CDH18: variants seen among roughly 807,000 people sequenced by gnomAD.
The protein encoded by CDH18 is cadherin-18.
Under a neutral mutation model 67.9 loss-of-function variants are expected in CDH18, and 31 were observed. The ratio of observed to expected loss-of-function variants is 0.46; its 90% CI spans 0.34 to 0.62. The LOEUF (loss-of-function observed/expected upper bound fraction) is 0.62. CDH18 is among the 20% of genes least tolerant of loss of function. The probability of loss-of-function intolerance (pLI) is 0.01; values close to 1 mark genes in which losing one functional copy is unlikely to be tolerated. For synonymous variants in CDH18, 362 were observed against 347.2 expected (o/e 1.04, Z -0.48); for missense variants, 890 against 975.5 (o/e 0.91, Z 1.17).
chr5:20,476,978 C>T (rs879337424), intron 1 of CDH18, among the ~76,000 whole-genome samples: 2 of 151,904 alleles, frequency 1.3e-5, no homozygotes, highest in Non-Finnish European at 2.9e-5. Flanking sequence ...TTTACTTTTC[C>T]TTGCGTTTGT....
intron 2 of CDH18, among the ~76,000 whole-genome samples, chr5:20,200,837 T>A (rs1306389464): frequency 1.3e-5 from 2 of 152,144 alleles, no homozygotes; most frequent in African/African-American, 4.8e-5. Flanking sequence ...ACAATACAGA[T>A]GCAGGTAATT....
Position 19,921,388 on chromosome 5 carries a change from A to G in CDH18, c.-257+59672T>C, listed in dbSNP as rs538629588. Among the ~76,000 whole-genome samples, 595 of 152,062 alleles carry G rather than the reference A, an allele frequency of 3.9e-3. 3 individuals are homozygous for G. The highest frequency in any genetic ancestry group is 0.02 in the Middle Eastern group (6 of 294). On this transcript the variant is annotated intron_variant, in intron 2 of 12. Coordinates refer to ENST00000382275, the MANE Select transcript of CDH18 (RefSeq NM_004934.5). ...CTACTAAAAATACAAATAATTAGCCAGGAGTGGTGGCGGGCACCTGTAGTC... is the reference window on the plus strand; with the variant it reads ...CTACTAAAAATACAAATAATTAGCCGGGAGTGGTGGCGGGCACCTGTAGTC...
At chr5:20,023,758 A>G (rs547029548) in intron 2 of CDH18, among the ~76,000 whole-genome samples, 4 of 152,270 alleles carry the variant, frequency 2.6e-5, no homozygotes, top group South Asian at 4.1e-4. Flanking sequence ...TTGAGCTTCC[A>G]TGAAGAATTC....
chr5:20,121,421 GT>G (rs141461399), intron 2 of CDH18, among the ~76,000 whole-genome samples: 6,970 of 151,956 alleles, frequency 0.046, 381 homozygotes, highest in East Asian at 0.26. Flanking sequence ...ATTAAATCCT[GT>G]TTTTTTGTTG....
rs138029807 is a variant in CDH18, at chr5:20,384,922, C to T, written c.-579-129417G>A. Among the ~76,000 whole-genome samples the T allele has an allele frequency of 7.8e-4, 118 of 152,188 alleles. 1 individual carries two copies. The highest frequency in any genetic ancestry group is 3.7e-3 in the South Asian group (18 of 4,824). ...TGTGATCGCGGCTCGCTGCAACCTC[C>T]GCCTCCCGGGTTCTAGTGATTCTCC... is the stretch of plus-strand genomic sequence containing the variant. On this transcript the variant is annotated intron_variant, in intron 1 of 14. Coordinates refer to the CDH18 transcript ENST00000507958.
At chr5:20,407,510 A>AAC (rs33930117) in intron 1 of CDH18, among the ~76,000 whole-genome samples, 1 of 150,926 alleles carries the variant, frequency 6.6e-6, no homozygotes, top group Non-Finnish European at 1.5e-5. Context: ...AAAAAAAAAA[A>AAC]CTCGTAGAAG....
At chr5:20,482,060 A>G (rs1752845561) in intron 1 of CDH18, among the ~76,000 whole-genome samples, 1 of 151,966 alleles carries the variant, frequency 6.6e-6, no homozygotes, top group Non-Finnish European at 1.5e-5. Context: ...CAGAGTAAGA[A>G]AAAAGAGAGA....
At chr5:20,547,840 C>T (rs963057692) in intron 1 of CDH18, among the ~76,000 whole-genome samples, 4 of 151,990 alleles carry the variant, frequency 2.6e-5, no homozygotes, top group African/African-American at 4.8e-5. Context: ...AGTTGATTAA[C>T]ATTTTTTGTC....
chr5:19,779,658 C>G (rs16899244), intron 3 of CDH18, among the ~76,000 whole-genome samples: 5,987 of 152,162 alleles, frequency 0.039, 309 homozygotes, highest in African/African-American at 0.12. Context: ...ACCAAAGTTG[C>G]ACATCTTACT....
chr5:20,381,817 C>T (rs1299893715), intron 1 of CDH18, among the ~76,000 whole-genome samples: 1 of 152,018 alleles, frequency 6.6e-6, no homozygotes, highest in Non-Finnish European at 1.5e-5. Context: ...AGGAGAATGG[C>T]TTGAGGTAAA....
intron 1 of CDH18, among the ~76,000 whole-genome samples, chr5:20,336,630 G>A (rs1255037428): frequency 6.7e-6 from 1 of 148,874 alleles, no homozygotes; most frequent in Non-Finnish European, 1.5e-5. Context: ...GGCTGAGGCA[G>A]GAGAATGGCG....
chr5:19,693,389 A>C (rs187914540), intron 5 of CDH18, among the ~76,000 whole-genome samples: 1 of 152,316 alleles, frequency 6.6e-6, no homozygotes, highest in African/African-American at 2.4e-5. Context: ...AAATTCAATT[A>C]TTACAACCAT....
chr5:20,206,421 C>T (rs1472470092), intron 2 of CDH18, among the ~76,000 whole-genome samples: 2 of 151,644 alleles, frequency 1.3e-5, no homozygotes, highest in Non-Finnish European at 2.9e-5. Context: ...TAACTAATTC[C>T]AATTCTATTC....
At chr5:20,296,725 T>G (rs2149956774) in intron 1 of CDH18, among the ~76,000 whole-genome samples, 1 of 151,920 alleles carries the variant, frequency 6.6e-6, no homozygotes, top group African/African-American at 2.4e-5. Flanking sequence ...TGTAAAATAT[T>G]AAATGTAATT....
rs769914742 is a variant in CDH18, at chr5:20,527,960, G to C, written c.-580+47502C>G. On this transcript the variant is annotated intron_variant, in intron 1 of 14. Transcript: ENST00000507958. ...CTAAATGCCCCAATTAAAAGACACAGAATGGCAAGCTGGATAAAATGACAA... is the reference window on the plus strand; with the variant it reads ...CTAAATGCCCCAATTAAAAGACACACAATGGCAAGCTGGATAAAATGACAA... 1.4e-4 allele frequency among the ~76,000 whole-genome samples: 22 copies of C among 152,048 alleles called. 1 individual carries two copies. The highest frequency in any genetic ancestry group is 2.6e-4 in the Non-Finnish European group (18 of 68,020).
At chr5:20,095,766 T>TA (rs997311967) in intron 2 of CDH18, among the ~76,000 whole-genome samples, 10 of 147,750 alleles carry the variant, frequency 6.8e-5, no homozygotes, top group Admixed American at 1.3e-4. Context: ...GCTACAGACT[T>TA]AAAAAAAATA....
chr5:19,953,299 A>C (rs1795974339), intron 2 of CDH18, among the ~76,000 whole-genome samples: 1 of 152,122 alleles, frequency 6.6e-6, no homozygotes. Context: ...TGAATATGTT[A>C]AGACTGAATA....
chr5:19,610,515 G>C lies in CDH18; in HGVS notation c.811+1919C>G, dbSNP rs150105580. On this transcript the variant is annotated intron_variant, in intron 6 of 12. Transcript: ENST00000382275. ...AAATGGAGAAAAAGAGAGAGTGGGA[G>C]ATGCTATATTTACTACAAACTAGCA... 4.7e-3 allele frequency among the ~76,000 whole-genome samples: 721 copies of C among 152,086 alleles called. 8 individuals carry two copies. Among genetic ancestry groups the C allele is most frequent in the African/African-American group, 0.017 (687 of 41,548 alleles).
chr5:20,010,998 A>C (rs1737390297), intron 2 of CDH18, among the ~76,000 whole-genome samples: 1 of 152,164 alleles, frequency 6.6e-6, no homozygotes, highest in African/African-American at 2.4e-5. Flanking sequence ...TATCCCCTGC[A>C]CGCACACATC....
Sources: allele counts gnomAD v4.1 joint callset (sites outside exome capture counted in the v4.1 genomes callset), GRCh38; gene constraint gnomAD v4.1.1; transcripts MANE v1.5; gene names NCBI Gene and HGNC (gene_info 2026-07-23, HGNC 2026-07-21).